STARD6: variants seen among roughly 807,000 people sequenced by gnomAD.
STARD6 encodes stAR-related lipid transfer protein 6.
STARD6 carries 21 observed loss-of-function variants against 22.3 expected under a neutral mutation model. The ratio of observed to expected loss-of-function variants is 0.94; its 90% CI spans 0.67 to 1.35. STARD6 has a LOEUF of 1.35. Ranked by LOEUF, STARD6 falls within the 40% of genes most tolerant of loss-of-function variation. The probability of loss-of-function intolerance (pLI) is 0.00; values close to 1 mark genes in which losing one functional copy is unlikely to be tolerated. For missense variants in STARD6, 269 were observed against 266.9 expected (o/e 1.01, Z -0.05); for synonymous variants, 80 against 88.1 (o/e 0.91, Z 0.52).
chr18:54,329,225 G>A (rs1263679387), intron 7 of STARD6, 122 bp downstream of exon 7: 2 of 721,018 alleles, frequency 2.8e-6, no homozygotes, highest in East Asian at 2.9e-5. Flanking sequence ...TTTAGGGGAA[G>A]TTTTTTTCCC....
At chr18:54,343,158 G>A (rs1335766611) in intron 4 of STARD6, among the ~76,000 whole-genome samples, 12 of 36,966 alleles carry the variant, frequency 3.2e-4, no homozygotes, top group Non-Finnish European at 6.1e-4. Context: ...CCGAGACCCC[G>A]TCTGGGAGGT....
rs191375252 is a variant in STARD6, at chr18:54,352,135, T to G, written c.140+1919A>C. 1.2e-3 allele frequency among the ~76,000 whole-genome samples: 179 copies of G among 152,006 alleles called. 3 individuals carry two copies. Among genetic ancestry groups the G allele is most frequent in the East Asian group, 4.4e-3 (23 of 5,180 alleles). On this transcript the variant is annotated intron_variant, in intron 4 of 7. Coordinates refer to ENST00000307844, the MANE Select transcript of STARD6 (RefSeq NM_139171.2). ...AATCTTGCTACTTGTTTTTGTTTTT[T>G]TTTTTCAGATTTTCTATTTCTTCCT... is the stretch of plus-strand genomic sequence containing the variant.
chr18:54,348,761 A>G (rs1263485693), intron 4 of STARD6, among the ~76,000 whole-genome samples: 1 of 152,188 alleles, frequency 6.6e-6, no homozygotes, highest in Non-Finnish European at 1.5e-5. Flanking sequence ...TTCATCCCTT[A>G]AGAGCAGAAA....
intron 2 of STARD6, among the ~76,000 whole-genome samples, chr18:54,354,981 A>G (rs190239600): frequency 3.3e-5 from 5 of 152,220 alleles, no homozygotes; most frequent in African/African-American, 9.6e-5. Context: ...TCAATAAATA[A>G]TTTTAATTTC....
chr18:54,355,610 G>C (rs2089136531), intron 2 of STARD6, among the ~76,000 whole-genome samples: 1 of 152,070 alleles, frequency 6.6e-6, no homozygotes, highest in South Asian at 2.1e-4. Context: ...AACCATGCTG[G>C]CACCCAGATC....
rs2088856968 is a variant in STARD6, at chr18:54,330,442, T to C, written c.386-1002A>G. On this transcript the variant is annotated intron_variant, in intron 6 of 7. Transcript: ENST00000307844. ...CATATGGTGTGGTAGTTAGCACTTA[T>C]TTTGGAAAATCAGAAAGATCTGAGT... Among the ~76,000 whole-genome samples, 5 of 152,204 alleles carry C rather than the reference T, an allele frequency of 3.3e-5. 1 individual carries two copies. Among genetic ancestry groups the C allele is most frequent in the African/African-American group, 1.2e-4 (5 of 41,564 alleles).
At chr18:54,340,508 T>C (rs2088960202) in intron 4 of STARD6, among the ~76,000 whole-genome samples, 1 of 152,074 alleles carries the variant, frequency 6.6e-6, no homozygotes, top group South Asian at 2.1e-4. Flanking sequence ...AAAATAGCCA[T>C]GAGACATACA....
intron 4 of STARD6, among the ~76,000 whole-genome samples, chr18:54,353,041 T>C (rs1046104362): frequency 1.3e-5 from 2 of 152,196 alleles, no homozygotes; most frequent in Non-Finnish European, 1.5e-5. Flanking sequence ...ATTTTCCTGA[T>C]CATTGTTAAA....
At position 54,333,622 on chromosome 18, in the gene STARD6, C is replaced by T. The variant is rs1387485799; in HGVS notation, c.268-1763G>A. 1.1e-4 allele frequency among the ~76,000 whole-genome samples: 16 copies of T among 152,134 alleles called. 1 individual carries two copies. ...TGTTTTCTGTGGATAGGAACTTCCT[C>T]TCTACAAAATAAAACTGATTTACAA... On this transcript the variant is annotated intron_variant, in intron 5 of 7. Transcript: ENST00000307844.
intron 5 of STARD6, among the ~76,000 whole-genome samples, chr18:54,335,833 TTCAC>T (rs1188846169): frequency 1.3e-5 from 2 of 152,198 alleles, no homozygotes; most frequent in African/African-American, 4.8e-5. Flanking sequence ...GGTGTTCCCC[TTCAC>T]CTTCTGCCAT....
chr18:54,334,504 C>G (rs2088892326), intron 5 of STARD6, among the ~76,000 whole-genome samples: 1 of 152,040 alleles, frequency 6.6e-6, no homozygotes, highest in Admixed American at 6.6e-5. Context: ...CTCTTAACCA[C>G]TCTTCTCCTT....
chr18:54,337,086 A>G (rs773565372), intron 5 of STARD6, 39 bp downstream of exon 5: 1 of 1,551,764 alleles, frequency 6.4e-7, no homozygotes, highest in South Asian at 1.2e-5. Flanking sequence ...CTAAAAATAT[A>G]TTAATGTTCT....
intron 4 of STARD6, among the ~76,000 whole-genome samples, chr18:54,343,294 T>G: frequency 9.6e-6 from 1 of 104,236 alleles, no homozygotes. Flanking sequence ...GTGAGGAGCC[T>G]CTCCGCCCAG....
At chr18:54,343,933 G>T (rs1217855549) in intron 4 of STARD6, among the ~76,000 whole-genome samples, 1 of 44,134 alleles carries the variant, frequency 2.3e-5, no homozygotes, top group East Asian at 6.1e-4. Flanking sequence ...CAGCCGCCCC[G>T]TCCGCGAGGG....
intron 4 of STARD6, among the ~76,000 whole-genome samples, chr18:54,337,542 G>A (rs951322869): frequency 1.3e-5 from 2 of 152,156 alleles, no homozygotes; most frequent in Non-Finnish European, 2.9e-5. Context: ...ACTGTACGGT[G>A]GGTTGGCACC....
intron 5 of STARD6, among the ~76,000 whole-genome samples, chr18:54,332,940 A>G (rs972680446): frequency 6.6e-6 from 1 of 152,136 alleles, no homozygotes; most frequent in African/African-American, 2.4e-5. Context: ...AAATAAGTAA[A>G]TAAAACATAC....
intron 6 of STARD6, 140 bp from the exon 7 acceptor site, chr18:54,329,580 G>T: frequency 1.6e-6 from 1 of 623,162 alleles, no homozygotes; most frequent in Non-Finnish European, 2.5e-6. Flanking sequence ...ATGTGTATTT[G>T]CACATGTGAA....
At chr18:54,333,481 C>G (rs1488229426) in intron 5 of STARD6, among the ~76,000 whole-genome samples, 1 of 152,156 alleles carries the variant, frequency 6.6e-6, no homozygotes, top group Non-Finnish European at 1.5e-5. Flanking sequence ...GCTAATCAAA[C>G]TGTATGATTA....
At chr18:54,325,288 AAT>A (rs2088815973) in intron 7 of STARD6, among the ~76,000 whole-genome samples, 1 of 152,106 alleles carries the variant, frequency 6.6e-6, no homozygotes, top group Non-Finnish European at 1.5e-5. Flanking sequence ...TACATAAATG[AAT>A]ATGTTCCCCA....
Sources: allele counts gnomAD v4.1 joint callset (sites outside exome capture counted in the v4.1 genomes callset), GRCh38; gene constraint gnomAD v4.1.1; transcripts MANE v1.5; gene names NCBI Gene and HGNC (gene_info 2026-07-23, HGNC 2026-07-21).